The following PDE4B variants were observed in gnomAD, a reference collection of about 807,000 sequenced individuals.
The protein encoded by PDE4B is 3',5'-cyclic-AMP phosphodiesterase 4B.
A neutral mutation model predicts 82.2 loss-of-function variants in PDE4B; 20 were observed. The observed-to-expected ratio is 0.24, with a 90% CI of 0.17 to 0.35. The LOEUF (loss-of-function observed/expected upper bound fraction) is 0.35, where lower values mean the gene tolerates loss of function less well. Ranked by LOEUF, PDE4B falls within the 10% of genes least tolerant of loss-of-function variation. PDE4B has a pLI of 1.00. For synonymous variants in PDE4B, 320 were observed against 318.9 expected, an observed-to-expected ratio of 1.00 and a Z score of -0.04; for missense variants, 655 against 907.2, an observed-to-expected ratio of 0.72 and a Z score of 3.57.
rs368945700 is a variant in PDE4B at position 65,885,137 on chromosome 1, A to C, written c.-70-28108A>C. Among the ~76,000 whole-genome samples the C allele has an allele frequency of 3.9e-5, 6 of 152,252 alleles. No individual in the cohort carries two copies. In the East Asian group the frequency reaches 5.8e-4, roughly 15 times the overall value. On this transcript the variant is annotated intron_variant, in intron 1 of 16. Transcript: ENST00000341517. Reference sequence around the variant, plus strand: ...GCTCATCATCACTGGCCATCAGAGAAATGCAAATCAAAACCACAATGAAAT... The same window carrying C: ...GCTCATCATCACTGGCCATCAGAGACATGCAAATCAAAACCACAATGAAAT...
intron 3 of PDE4B, among the ~76,000 whole-genome samples, chr1:66,171,527 T>C (rs1646836168): frequency 6.6e-6 from 1 of 152,200 alleles, no homozygotes; most frequent in Non-Finnish European, 1.5e-5. Flanking sequence ...ATTTATCTGA[T>C]CACAAAACTC....
intron 3 of PDE4B, among the ~76,000 whole-genome samples, chr1:66,109,968 T>C (rs4655597): frequency 0.062 from 9,410 of 152,076 alleles, 429 homozygotes; most frequent in South Asian, 0.17. Context: ...ACTCTTAAAA[T>C]AGAGATTTTT....
At chr1:66,065,605 T>C (rs1213829997) in intron 3 of PDE4B, among the ~76,000 whole-genome samples, 2 of 151,842 alleles carry the variant, frequency 1.3e-5, no homozygotes, top group Non-Finnish European at 2.9e-5. Context: ...GTGGTGTGAT[T>C]ACAAAATGTA....
chr1:66,338,854 TA>T (rs1317266081), intron 8 of PDE4B, among the ~76,000 whole-genome samples: 3 of 144,278 alleles, frequency 2.1e-5, no homozygotes, highest in South Asian at 4.4e-4. Context: ...CCGTCTCTAC[TA>T]AAAATACAAA....
intron 3 of PDE4B, among the ~76,000 whole-genome samples, chr1:65,919,595 T>C (rs1647201627): frequency 6.6e-6 from 1 of 152,236 alleles, no homozygotes; most frequent in African/African-American, 2.4e-5. Context: ...AAAAATATTT[T>C]CTCTGATATG....
intron 3 of PDE4B, among the ~76,000 whole-genome samples, chr1:66,036,426 T>A (rs1654065845): frequency 6.6e-6 from 1 of 152,182 alleles, no homozygotes; most frequent in Non-Finnish European, 1.5e-5. Context: ...CTCCCCTAAG[T>A]ACTTTTTAGT....
chr1:66,086,132 G>C (rs536884765), intron 3 of PDE4B, among the ~76,000 whole-genome samples: 2 of 141,092 alleles, frequency 1.4e-5, no homozygotes, highest in East Asian at 1.9e-4. Flanking sequence ...TCTCCACTCC[G>C]ATGGGAAAAA....
intron 3 of PDE4B, among the ~76,000 whole-genome samples, chr1:66,123,522 CT>C (rs1419734993): frequency 6.6e-6 from 1 of 151,764 alleles, no homozygotes; most frequent in Non-Finnish European, 1.5e-5. Context: ...CCCTCCTCCC[CT>C]CCCTCCTTTT....
At chr1:66,174,964 G>A (rs996978802) in intron 3 of PDE4B, among the ~76,000 whole-genome samples, 6 of 152,102 alleles carry the variant, frequency 3.9e-5, no homozygotes, top group Non-Finnish European at 7.4e-5. Context: ...AGAGGGAGGA[G>A]GTGTCACGCT....
chr1:65,899,091 T>C (rs1385073668), intron 1 of PDE4B, among the ~76,000 whole-genome samples: 4 of 151,738 alleles, frequency 2.6e-5, no homozygotes, highest in African/African-American at 9.7e-5. Flanking sequence ...ATATCCAGAA[T>C]CTACAACAAA....
chr1:65,964,635 A>C (rs183789521), intron 3 of PDE4B, among the ~76,000 whole-genome samples: 297 of 152,284 alleles, frequency 2.0e-3, no homozygotes, highest in African/African-American at 6.9e-3. Context: ...GCATTATTTA[A>C]ATTTTGAAAA....
At chr1:65,988,655 G>A (rs1569897015) in intron 3 of PDE4B, among the ~76,000 whole-genome samples, 1 of 151,428 alleles carries the variant, frequency 6.6e-6, no homozygotes, top group East Asian at 1.9e-4. Context: ...AAAAGCTTCT[G>A]GATTGTCTTT....
chr1:65,807,961 A>G (rs1156562606), intron 1 of PDE4B, among the ~76,000 whole-genome samples: 2 of 152,178 alleles, frequency 1.3e-5, no homozygotes, highest in East Asian at 3.8e-4. Context: ...TTCCCAAAGT[A>G]GCTGGATGCC....
At chr1:66,194,060 G>A (rs538440856) in intron 3 of PDE4B, among the ~76,000 whole-genome samples, 1 of 151,622 alleles carries the variant, frequency 6.6e-6, no homozygotes, top group Admixed American at 6.6e-5. Flanking sequence ...AAATCCCTAG[G>A]GCTGCACTTT....
intron 3 of PDE4B, among the ~76,000 whole-genome samples, chr1:66,062,504 T>C (rs1655629848): frequency 6.6e-6 from 1 of 152,066 alleles, no homozygotes; most frequent in Admixed American, 6.6e-5. Flanking sequence ...GAAAAAATGT[T>C]GAAGGAGAAG....
chr1:66,169,545 G>A (rs898534007), intron 3 of PDE4B, among the ~76,000 whole-genome samples: 7 of 152,294 alleles, frequency 4.6e-5, no homozygotes, highest in Middle Eastern at 3.4e-3. Context: ...ATCTGACCCC[G>A]TGTGTTAGGT....
intron 1 of PDE4B, among the ~76,000 whole-genome samples, chr1:65,829,779 A>C (rs1646060350): frequency 6.6e-6 from 1 of 152,210 alleles, no homozygotes; most frequent in Admixed American, 6.5e-5. Flanking sequence ...ACAGATAACC[A>C]AGGGGAGGAG....
chr1:66,236,934 C>T (rs1652507475), intron 3 of PDE4B, among the ~76,000 whole-genome samples: 3 of 152,182 alleles, frequency 2.0e-5, no homozygotes, highest in South Asian at 4.1e-4. Context: ...TTTGAATTTT[C>T]ACGTCTATAA....
At chr1:65,891,558 A>G (rs774234701) in intron 1 of PDE4B, among the ~76,000 whole-genome samples, 5 of 152,086 alleles carry the variant, frequency 3.3e-5, no homozygotes, top group Non-Finnish European at 7.4e-5. Context: ...AGTCAAGCTC[A>G]TTGTTACAAA....
Sources: gnomAD v4.1 joint callset for allele counts (sites outside exome capture counted in the v4.1 genomes callset) on GRCh38, gnomAD v4.1.1 for gene constraint, MANE v1.5 for transcripts, NCBI Gene and HGNC (gene_info 2026-07-23, HGNC 2026-07-21) for gene names.